ZFYVE9: variants seen among roughly 807,000 people sequenced by gnomAD.
The protein encoded by ZFYVE9 is zinc finger FYVE domain-containing protein 9.
Under a neutral mutation model 126.7 loss-of-function variants are expected in ZFYVE9, and 43 were observed. The ratio of observed to expected loss-of-function variants is 0.34; its 90% CI spans 0.27 to 0.44. The LOEUF is 0.44. Among genes scored for constraint, ZFYVE9 ranks in the 20% least tolerant of loss-of-function variants. The pLI, the probability that ZFYVE9 is intolerant of heterozygous loss-of-function variation, is 1.00. For synonymous variants in ZFYVE9, 521 were observed against 597.4 expected (o/e 0.87, Z 1.87); for missense variants, 1,476 against 1,697.0 (o/e 0.87, Z 2.29).
chr1:52,278,731 C>CTT (rs377369353), intron 9 of ZFYVE9, 117 bp downstream of exon 9: 487 of 478,686 alleles, frequency 1.0e-3, no homozygotes, highest in East Asian at 1.6e-3. Context: ...TTTTTTTTTT[C>CTT]TTTTTTTTTT....
intron 1 of ZFYVE9, among the ~76,000 whole-genome samples, chr1:52,156,886 G>A (rs1198234394): frequency 6.6e-6 from 1 of 150,458 alleles, no homozygotes; most frequent in Non-Finnish European, 1.5e-5. Context: ...AGGCTGGAGT[G>A]CAGTGGCATG....
chr1:52,209,427 T>C (rs1471428666), intron 1 of ZFYVE9, among the ~76,000 whole-genome samples: 2 of 152,294 alleles, frequency 1.3e-5, no homozygotes, highest in African/African-American at 4.8e-5. Context: ...TGTGTAACCA[T>C]CACCATTTAT....
Position 52,184,868 on chromosome 1 carries a change from A to G in ZFYVE9, c.-142-31501A>G, listed in dbSNP as rs181348110. On this transcript the variant is annotated intron_variant, in intron 1 of 18. Coordinates refer to ENST00000287727, the MANE Select transcript of ZFYVE9 (RefSeq NM_004799.4). ...AGCAAGACCCCATCTCAAAAACAAA[A>G]CAAAGACTGGGCACGGTGGCTCATG... Among the ~76,000 whole-genome samples the G allele has an allele frequency of 3.5e-3, 529 of 152,164 alleles. 2 individuals carry two copies. The highest frequency in any genetic ancestry group is 0.012 in the African/African-American group (501 of 41,528).
intron 13 of ZFYVE9, among the ~76,000 whole-genome samples, chr1:52,318,306 A>G (rs1357101472): frequency 1.3e-5 from 2 of 152,130 alleles, no homozygotes; most frequent in African/African-American, 4.8e-5. Context: ...GGAAAACCAT[A>G]TGATACAGCA....
chr1:52,190,949 C>G (rs1644810857), intron 1 of ZFYVE9, among the ~76,000 whole-genome samples: 1 of 151,404 alleles, frequency 6.6e-6, no homozygotes, highest in Admixed American at 6.6e-5. Flanking sequence ...TTCCCTTCCT[C>G]CCTCCCTTCC....
chr1:52,206,886 A>T (rs554511949), intron 1 of ZFYVE9, among the ~76,000 whole-genome samples: 3 of 152,220 alleles, frequency 2.0e-5, no homozygotes, highest in African/African-American at 4.8e-5. Flanking sequence ...ACAGTAAATC[A>T]TGAGATATGT....
chr1:52,266,942 T>A, intron 6 of ZFYVE9, 111 bp downstream of exon 6: 2 of 1,010,094 alleles, frequency 2.0e-6, no homozygotes, highest in Non-Finnish European at 2.7e-6. Flanking sequence ...TAAGTCTCTT[T>A]GGGTGGTTAT....
chr1:52,244,911 A>C (rs1454578496), intron 4 of ZFYVE9, among the ~76,000 whole-genome samples: 2 of 152,168 alleles, frequency 1.3e-5, no homozygotes, highest in Non-Finnish European at 2.9e-5. Context: ...TAATCTCAGC[A>C]CTTTGGGAGG....
chr1:52,311,409 C>T (rs555890375), intron 13 of ZFYVE9, among the ~76,000 whole-genome samples: 52 of 152,094 alleles, frequency 3.4e-4, no homozygotes, highest in African/African-American at 1.1e-3. Flanking sequence ...GGATTACAAG[C>T]GTGCACCACC....
rs144066928 is a variant in ZFYVE9, at chr1:52,295,339, G to GGTTTGTTT, written c.3251-527_3251-520dup. Among the ~76,000 whole-genome samples, 1,403 of 149,682 alleles carry GGTTTGTTT rather than the reference G, an allele frequency of 9.4e-3. 7 individuals carry two copies. The highest frequency in any genetic ancestry group is 0.016 in the Non-Finnish European group (1,074 of 67,278). Reference sequence around the variant, plus strand: ...GAAGATTGCTCCCTAAGACCTTGTGGGTTTGTTTGTTTGTTTGTTTGTTTG... The same window carrying GGTTTGTTT: ...GAAGATTGCTCCCTAAGACCTTGTGGGTTTGTTTGTTTGTTTGTTTGTTTGTTTGTTTG... On this transcript the variant is annotated intron_variant, in intron 11 of 18. Coordinates refer to ENST00000287727, the MANE Select transcript of ZFYVE9 (RefSeq NM_004799.4).
Position 52,256,041 on chromosome 1 carries a change from CTT to C in ZFYVE9, c.2179-7730_2179-7729del, listed in dbSNP as rs1276788047. On this transcript the variant is annotated intron_variant, in intron 4 of 18. Transcript: ENST00000287727. Reference sequence around the variant, plus strand: ...CCTTTCTTTCTTTCTGTCTTTCTTTCTTTCTCTCTCTCTCTCTCTCTCTTTCT... The same window carrying C: ...CCTTTCTTTCTTTCTGTCTTTCTTTCTCTCTCTCTCTCTCTCTCTCTTTCT... Among the ~76,000 whole-genome samples, 45 of 52,186 alleles carry C rather than the reference CTT, an allele frequency of 8.6e-4. 3 individuals carry two copies. The South Asian group carries it at 0.021, about 24-fold the overall frequency. 34.2% of individuals were successfully genotyped at this position (52,186 alleles called of 152,430 possible).
At chr1:52,234,497 A>G (rs1645255662) in intron 3 of ZFYVE9, among the ~76,000 whole-genome samples, 1 of 152,204 alleles carries the variant, frequency 6.6e-6, no homozygotes, top group Admixed American at 6.5e-5. Flanking sequence ...ATATTGGTTT[A>G]CAAACCTTTG....
chr1:52,323,454 C>G (rs1646260272), intron 13 of ZFYVE9, among the ~76,000 whole-genome samples: 1 of 152,170 alleles, frequency 6.6e-6, no homozygotes, highest in African/African-American at 2.4e-5. Flanking sequence ...TCTGTGAGGG[C>G]AGGAATTTGT....
chr1:52,228,485 A>G (rs1486503451), intron 2 of ZFYVE9, among the ~76,000 whole-genome samples: 1 of 152,192 alleles, frequency 6.6e-6, no homozygotes, highest in Non-Finnish European at 1.5e-5. Flanking sequence ...GACTAGAACA[A>G]TTAAGACCCA....
intron 6 of ZFYVE9, among the ~76,000 whole-genome samples, chr1:52,268,171 C>A (rs954167147): frequency 3.3e-5 from 5 of 152,078 alleles, no homozygotes; most frequent in Non-Finnish European, 7.3e-5. Flanking sequence ...GTCAGTGATA[C>A]GGGACAGAGT....
intron 14 of ZFYVE9, among the ~76,000 whole-genome samples, chr1:52,334,208 CT>C (rs1167301927): frequency 6.6e-6 from 1 of 151,880 alleles, no homozygotes; most frequent in Admixed American, 6.5e-5. Context: ...GGGTGGCAAA[CT>C]TTTTTTGTGA....
intron 1 of ZFYVE9, among the ~76,000 whole-genome samples, chr1:52,155,620 A>G (rs1644396653): frequency 6.6e-6 from 1 of 152,048 alleles, no homozygotes; most frequent in Non-Finnish European, 1.5e-5. Flanking sequence ...TAAACTCTAC[A>G]CTGCATCTTT....
chr1:52,301,275 GTTTTTC>G (rs1337764952), intron 12 of ZFYVE9, among the ~76,000 whole-genome samples: 1 of 89,474 alleles, frequency 1.1e-5, no homozygotes, highest in African/African-American at 3.8e-5. Context: ...TCTTAACGTT[GTTTTTC>G]TTTTTCCATC....
chr1:52,162,050 A>G (rs1368444233), intron 1 of ZFYVE9: 1 of 153,538 alleles, frequency 6.5e-6, no homozygotes, highest in Non-Finnish European at 1.4e-5. Context: ...TACTAAATAA[A>G]CCAAAAATTT....
Sources: gnomAD v4.1 joint callset for allele counts (sites outside exome capture counted in the v4.1 genomes callset) on GRCh38, gnomAD v4.1.1 for gene constraint, MANE v1.5 for transcripts, NCBI Gene and HGNC (gene_info 2026-07-23, HGNC 2026-07-21) for gene names.